CDK14: variants seen among roughly 807,000 people sequenced by gnomAD.
CDK14 encodes the protein cyclin-dependent kinase 14.
Under a neutral mutation model 60.7 loss-of-function variants are expected in CDK14, and 34 were observed. The ratio of observed to expected loss-of-function variants is 0.56; its 90% CI spans 0.43 to 0.75. The LOEUF is 0.75. Ranked by LOEUF, CDK14 falls within the 30% of genes least tolerant of loss-of-function variation. CDK14 has a pLI of 0.00. For missense variants in CDK14, 482 were observed against 564.1 expected (o/e 0.85, Z 1.47); for synonymous variants, 197 against 203.7 (o/e 0.97, Z 0.28).
intron 11 of CDK14, among the ~76,000 whole-genome samples, chr7:91,071,130 A>G (rs1164866024): frequency 6.6e-6 from 1 of 152,244 alleles, no homozygotes; most frequent in Non-Finnish European, 1.5e-5. Flanking sequence ...TTTGTTAAAA[A>G]AATAATAATA....
At chr7:91,169,612 T>A (rs1801451165) in intron 14 of CDK14, among the ~76,000 whole-genome samples, 1 of 152,230 alleles carries the variant, frequency 6.6e-6, no homozygotes, top group Admixed American at 6.5e-5. Flanking sequence ...TTATTTGAGT[T>A]ACCAGTTTTT....
intron 10 of CDK14, among the ~76,000 whole-genome samples, chr7:91,022,204 G>A (rs1562871830): frequency 6.6e-6 from 1 of 152,132 alleles, no homozygotes; most frequent in Non-Finnish European, 1.5e-5. Context: ...ATTCTGTCTG[G>A]GGCAGTGAGG....
At chr7:90,621,655 T>TCCTGCCTTCCTG (rs1457462136) in intron 2 of CDK14, among the ~76,000 whole-genome samples, 11,776 of 109,192 alleles carry the variant, frequency 0.11, 569 homozygotes, top group East Asian at 0.23. Flanking sequence ...CTTCCTTCCT[T>TCCTGCCTTCCTG]CCTTCCTTCC....
At chr7:90,638,715 C>T (rs1346797228) in intron 2 of CDK14, among the ~76,000 whole-genome samples, 2 of 152,192 alleles carry the variant, frequency 1.3e-5, no homozygotes, top group Non-Finnish European at 2.9e-5. Context: ...GGATAATATC[C>T]TGCAGAGTGT....
intron 8 of CDK14, among the ~76,000 whole-genome samples, chr7:90,954,290 C>T (rs1794343514): frequency 1.3e-5 from 2 of 151,910 alleles, no homozygotes; most frequent in Admixed American, 6.6e-5. Context: ...AAGCCATTTC[C>T]TTACTACATA....
intron 10 of CDK14, among the ~76,000 whole-genome samples, chr7:91,034,374 T>G (rs1231002192): frequency 6.6e-6 from 1 of 152,118 alleles, no homozygotes; most frequent in Non-Finnish European, 1.5e-5. Context: ...TTCTTTTTTT[T>G]TAATCAGTAT....
chr7:90,696,617 A>G (rs1801665094), intron 2 of CDK14, among the ~76,000 whole-genome samples: 1 of 151,990 alleles, frequency 6.6e-6, no homozygotes, highest in Non-Finnish European at 1.5e-5. Context: ...ATCCTAAAGG[A>G]TTTGTCACAT....
At chr7:90,634,026 A>G (rs983037133) in intron 2 of CDK14, among the ~76,000 whole-genome samples, 4 of 152,204 alleles carry the variant, frequency 2.6e-5, no homozygotes, top group African/African-American at 4.8e-5. Context: ...ATATTTGTAT[A>G]AAATTGCTGT....
intron 2 of CDK14, among the ~76,000 whole-genome samples, chr7:90,684,972 A>G (rs1801401101): frequency 6.8e-6 from 1 of 147,498 alleles, no homozygotes; most frequent in African/African-American, 2.5e-5. Context: ...AAATATGTAT[A>G]TGTTTTTATG....
At chr7:90,878,072 CTGTGTGTG>C (rs142735469) in intron 6 of CDK14, among the ~76,000 whole-genome samples, 67 of 147,778 alleles carry the variant, frequency 4.5e-4, no homozygotes, top group Non-Finnish European at 6.4e-4. Flanking sequence ...CATTGTGTGG[CTGTGTGTG>C]TGTGTGTGTG....
Position 90,863,271 on chromosome 7 carries a change from T to G in CDK14, c.639+2T>G. ...CTGACACTTGTGTTTGAATATGTGG[T>G]AAGTAAAATAAGACTTTTAAATTTA... On this transcript the variant is annotated splice_donor_variant, in intron 6 of 14. Transcript: ENST00000380050. LOFTEE classifies it high-confidence loss of function. The G allele has an allele frequency of 6.7e-7, 1 of 1,493,338 alleles. No individual in the cohort carries two copies. Among genetic ancestry groups the G allele is most frequent in the Non-Finnish European group, 9.3e-7 (1 of 1,076,556 alleles). The allele number at this position is 1,493,338 out of a possible 1,614,324, so 92.5% of individuals were successfully genotyped here.
In CDK14 at chr7:91,028,955, TTTAA is replaced by T. The variant is rs574516570; in HGVS notation, c.1042-16937_1042-16934del. On this transcript the variant is annotated intron_variant, in intron 10 of 14. Transcript: ENST00000380050. ...TTGTTGCTATGCAGAAGATTTTTAG[TTTAA>T]TTAAGTCTCATTTATTTATTTTTAT... 6.8e-3 allele frequency among the ~76,000 whole-genome samples: 1,041 copies of T among 152,214 alleles called. 7 individuals carry two copies. Among genetic ancestry groups the T allele is most frequent in the African/African-American group, 0.023 (935 of 41,530 alleles).
At chr7:91,200,620 T>A (rs544787469) in intron 14 of CDK14, among the ~76,000 whole-genome samples, 1 of 152,244 alleles carries the variant, frequency 6.6e-6, no homozygotes, top group South Asian at 2.1e-4. Flanking sequence ...AAGGCCCTGG[T>A]TTTCTGACTG....
intron 2 of CDK14, among the ~76,000 whole-genome samples, chr7:90,619,518 A>G (rs900256676): frequency 6.6e-6 from 1 of 152,186 alleles, no homozygotes; most frequent in Non-Finnish European, 1.5e-5. Flanking sequence ...TTTTTTCACT[A>G]TTAAAAATTT....
chr7:91,179,566 G>C, intron 14 of CDK14, among the ~76,000 whole-genome samples: 1 of 151,956 alleles, frequency 6.6e-6, no homozygotes, highest in East Asian at 1.9e-4. Context: ...ATTATGGGAG[G>C]CCGAGGTGGG....
chr7:90,823,987 A>G (rs982762096), intron 5 of CDK14, among the ~76,000 whole-genome samples: 4 of 152,220 alleles, frequency 2.6e-5, no homozygotes, highest in Admixed American at 2.6e-4. Flanking sequence ...AAATTTTGGG[A>G]AAGAAAACAA....
chr7:90,618,517 G>A (rs528663756), intron 2 of CDK14, among the ~76,000 whole-genome samples: 77 of 152,254 alleles, frequency 5.1e-4, no homozygotes, highest in African/African-American at 1.8e-3. Context: ...TGACCCAGGT[G>A]CTGGGTCCAG....
intron 9 of CDK14, among the ~76,000 whole-genome samples, chr7:90,959,830 G>A (rs901407314): frequency 6.6e-6 from 1 of 152,156 alleles, no homozygotes; most frequent in Non-Finnish European, 1.5e-5. Flanking sequence ...CATCAAGATA[G>A]ATAGTTTTTG....
intron 14 of CDK14, among the ~76,000 whole-genome samples, chr7:91,180,426 A>T (rs1801963513): frequency 6.6e-6 from 1 of 152,218 alleles, no homozygotes; most frequent in South Asian, 2.1e-4. Context: ...GCAGGTTGCA[A>T]AACAGCTATG....
Sources: gnomAD v4.1 joint callset for allele counts (sites outside exome capture counted in the v4.1 genomes callset) on GRCh38, gnomAD v4.1.1 for gene constraint, MANE v1.5 for transcripts, NCBI Gene and HGNC (gene_info 2026-07-23, HGNC 2026-07-21) for gene names.